The following LRRFIP1 variants were observed in gnomAD, a reference collection of about 807,000 sequenced individuals.
The protein encoded by LRRFIP1 is leucine-rich repeat flightless-interacting protein 1.
LRRFIP1 carries 62 observed loss-of-function variants against 104.4 expected under a neutral mutation model. The ratio of observed to expected loss-of-function variants is 0.59; its 90% CI spans 0.48 to 0.73. The LOEUF is 0.73. Ranked by LOEUF, LRRFIP1 falls within the 30% of genes least tolerant of loss-of-function variation. The pLI is 0.00. For missense variants in LRRFIP1, 796 were observed against 824.5 expected (o/e 0.97, Z 0.42); for synonymous variants, 300 against 299.0 (o/e 1.00, Z -0.03).
chr2:237,700,757 C>T (rs1003457209), intron 1 of LRRFIP1, among the ~76,000 whole-genome samples: 17 of 152,152 alleles, frequency 1.1e-4, no homozygotes, highest in South Asian at 2.1e-4. Context: ...ATGGCAGCCA[C>T]GAATCTGCAC....
chr2:237,691,042 C>A lies in LRRFIP1; in HGVS notation c.97-17502C>A, dbSNP rs2092720888. Reference sequence around the variant, plus strand: ...GCACACCCTCCTGACAACTCCTGCCCTGAAGCCCTGGGCCCGGGTCACGGC... The same window carrying A: ...GCACACCCTCCTGACAACTCCTGCCATGAAGCCCTGGGCCCGGGTCACGGC... On this transcript the variant is annotated intron_variant, in intron 1 of 23. Transcript: ENST00000308482. This position sits in a 1 kb window ranked among gnomAD's most constrained non-coding sequence, Gnocchi z 5.4. Among the ~76,000 whole-genome samples the A allele has an allele frequency of 6.6e-6, 1 of 151,834 alleles. No individual in the cohort carries two copies. Among genetic ancestry groups the A allele is most frequent in the African/African-American group, 2.4e-5 (1 of 41,094 alleles).
At chr2:237,668,161 C>T (rs528155298) in intron 1 of LRRFIP1, among the ~76,000 whole-genome samples, 49 of 152,268 alleles carry the variant, frequency 3.2e-4, no homozygotes, top group Non-Finnish European at 5.7e-4. Flanking sequence ...CTCCCCTCCT[C>T]GGTGAAATCG....
chr2:237,763,517 T>A, intron 19 of LRRFIP1: 3 of 1,613,400 alleles, frequency 1.9e-6, no homozygotes, highest in Non-Finnish European at 2.5e-6. Context: ...GAACACAGAT[T>A]TAAGTGAAAT....
intron 1 of LRRFIP1, among the ~76,000 whole-genome samples, chr2:237,697,793 G>A (rs527325988): frequency 2.0e-5 from 3 of 152,316 alleles, no homozygotes; most frequent in South Asian, 2.1e-4. Context: ...GAGAGGAAAC[G>A]GCACAGGGGA....
intron 1 of LRRFIP1, among the ~76,000 whole-genome samples, chr2:237,633,172 T>C (rs2082635813): frequency 6.6e-6 from 1 of 152,176 alleles, no homozygotes; most frequent in African/African-American, 2.4e-5. Context: ...CTGAGGGCTG[T>C]TCTGCAGCTG....
chr2:237,704,548 A>G (rs557727530), intron 1 of LRRFIP1, among the ~76,000 whole-genome samples: 8 of 152,308 alleles, frequency 5.3e-5, no homozygotes, highest in African/African-American at 1.7e-4. Context: ...ATGGTCATGC[A>G]TAGGTTTTGT....
chr2:237,700,779 G>T (rs1349716757), intron 1 of LRRFIP1, among the ~76,000 whole-genome samples: 1 of 152,202 alleles, frequency 6.6e-6, no homozygotes, highest in African/African-American at 2.4e-5. Context: ...TGAGCTGTAT[G>T]CCCTGGGTCT....
intron 19 of LRRFIP1, chr2:237,769,681 C>T (rs1576411373): frequency 4.4e-6 from 2 of 453,934 alleles, no homozygotes; most frequent in East Asian, 7.4e-5. Flanking sequence ...GCATGCTAAC[C>T]TAAGGTAGAA....
intron 17 of LRRFIP1, 90 bp from the exon 18 acceptor site, chr2:237,758,639 G>T: frequency 1.2e-6 from 1 of 814,154 alleles, no homozygotes; most frequent in Non-Finnish European, 2.0e-6. Flanking sequence ...TGTTTTAGAT[G>T]GTAGAAGCCT....
In LRRFIP1 at chr2:237,772,207, C is replaced by T; in HGVS notation, c.1627+9C>T. 3 of 1,594,408 alleles carry T rather than the reference C, an allele frequency of 1.9e-6. No homozygotes were observed. Among genetic ancestry groups the T allele is most frequent in the Non-Finnish European group, 2.6e-6 (3 of 1,162,136 alleles). ...TGTAATGGACCTACAAAGTAAATGT[C>T]AATTCTTGTGTAGAAGTAAATGCTT... is the stretch of plus-strand genomic sequence containing the variant. On this transcript the variant is annotated intron_variant, in intron 21 of 23. Transcript: ENST00000308482.
At position 237,663,310 on chromosome 2, in the gene LRRFIP1, G is replaced by A. The variant is rs548868092; in HGVS notation, c.96+35570G>A. Among the ~76,000 whole-genome samples, 55 of 152,362 alleles carry A rather than the reference G, an allele frequency of 3.6e-4. No individual in the cohort carries two copies. The East Asian group carries it at 9.8e-3, about 27-fold the overall frequency. ...ACGTTTGTGTCTCCCCTAAATTCAT[G>A]TATAGAAATCCTAACCACCAAGCTG... On this transcript the variant is annotated intron_variant, in intron 1 of 23. Transcript: ENST00000308482.
intron 1 of LRRFIP1, among the ~76,000 whole-genome samples, chr2:237,696,531 C>A (rs1188041283): frequency 6.6e-6 from 1 of 152,232 alleles, no homozygotes; most frequent in Non-Finnish European, 1.5e-5. Context: ...GCTGCGCCCA[C>A]CTGGTGTTTT....
intron 1 of LRRFIP1, chr2:237,692,252 C>G (rs1188949735): frequency 8.8e-7 from 1 of 1,139,984 alleles, no homozygotes; most frequent in Non-Finnish European, 1.1e-6. Context: ...CTGCGCCCCG[C>G]CCCTGTCGGC....
intron 2 of LRRFIP1, among the ~76,000 whole-genome samples, chr2:237,709,996 G>A (rs2093993153): frequency 6.6e-6 from 1 of 151,756 alleles, no homozygotes. Context: ...GGGATTATAG[G>A]TGCGCACCAC....
In LRRFIP1 at chr2:237,774,372, G is replaced by A. The variant is rs199838120; in HGVS notation, c.1722G>A (p.Glu574=). 2 of 1,611,496 alleles carry A rather than the reference G, an allele frequency of 1.2e-6. No individual in the cohort carries two copies. Among genetic ancestry groups the A allele is most frequent in the East Asian group, 4.5e-5 (2 of 44,876 alleles). Residue 574 remains glutamate (E), a synonymous_variant, in exon 23 of 24, where the codon GAG becomes GAA. Transcript: ENST00000308482. The part of the protein sequence containing the change: ...TALEQNVIRL[E]SQVSRYKSAA... ...CTACCTTTTAGGTAATAAGGTTAGA[G>A]AGTCAAGTATCACGTTACAAATCAG...
chr2:237,715,915 A>T (rs911108900), intron 3 of LRRFIP1, among the ~76,000 whole-genome samples: 1 of 152,256 alleles, frequency 6.6e-6, no homozygotes, highest in Admixed American at 6.5e-5. Flanking sequence ...CAGGAATGAC[A>T]TGGAAATGCA....
intron 19 of LRRFIP1, among the ~76,000 whole-genome samples, chr2:237,761,890 G>T (rs561516391): frequency 2.0e-5 from 3 of 152,174 alleles, no homozygotes; most frequent in African/African-American, 7.2e-5. Context: ...TTCTTTAGAC[G>T]ATGAATAATT....
intron 1 of LRRFIP1, among the ~76,000 whole-genome samples, chr2:237,698,779 G>A (rs189965620): frequency 2.0e-4 from 31 of 152,264 alleles, no homozygotes; most frequent in Admixed American, 8.5e-4. Flanking sequence ...GAATTGTGCC[G>A]GGGCTGGTTC....
intron 1 of LRRFIP1, among the ~76,000 whole-genome samples, chr2:237,688,530 C>T (rs936104721): frequency 7.2e-6 from 1 of 139,050 alleles, no homozygotes; most frequent in Non-Finnish European, 1.5e-5. Context: ...ATGATCTCAG[C>T]TTACTGCAAC....
Sources: gnomAD v4.1 joint callset for allele counts (sites outside exome capture counted in the v4.1 genomes callset) on GRCh38, gnomAD v4.1.1 for gene constraint, Gnocchi (gnomAD v3.1) non-coding constraint, MANE v1.5 for transcripts, NCBI Gene and HGNC (gene_info 2026-07-23, HGNC 2026-07-21) for gene names.